JMY: variants seen among roughly 807,000 people sequenced by gnomAD.
JMY encodes junction-mediating and -regulatory protein.
In JMY, 46 loss-of-function variants were observed where a neutral mutation model predicts 103.3. The observed-to-expected ratio is 0.45, with a 90% CI of 0.35 to 0.57. The LOEUF is 0.57. Ranked by LOEUF, JMY falls within the 20% of genes least tolerant of loss-of-function variation. The probability of loss-of-function intolerance (pLI) is 0.00; values close to 1 mark genes in which losing one functional copy is unlikely to be tolerated. For synonymous variants in JMY, 526 were observed against 489.3 expected (o/e 1.07, Z -0.99); for missense variants, 1,238 against 1,255.2 (o/e 0.99, Z 0.21).
intron 1 of JMY, among the ~76,000 whole-genome samples, chr5:79,276,250 C>A (rs938784526): frequency 2.0e-5 from 3 of 151,734 alleles, no homozygotes; most frequent in Non-Finnish European, 4.4e-5. Flanking sequence ...TCCCAAGGAG[C>A]TGGGATTATG....
chr5:79,300,111 C>T (rs1448832926), intron 4 of JMY, 42 bp from the exon 5 acceptor site: 2 of 1,578,686 alleles, frequency 1.3e-6, no homozygotes, highest in East Asian at 4.5e-5. Flanking sequence ...ATTTTCTTGT[C>T]CCCACCAGCT....
chr5:79,315,540 A>G (rs1747192008), intron 9 of JMY, among the ~76,000 whole-genome samples: 1 of 152,218 alleles, frequency 6.6e-6, no homozygotes. Flanking sequence ...TCTATAAAAC[A>G]TTTCTTGATG....
At chr5:79,312,693 G>A (rs1747091895) in intron 8 of JMY, among the ~76,000 whole-genome samples, 195 bp downstream of exon 8, 1 of 152,040 alleles carries the variant, frequency 6.6e-6, no homozygotes, top group Non-Finnish European at 1.5e-5. Flanking sequence ...TCCGAATTTA[G>A]TATTCTTGTG....
chr5:79,293,393 C>CT (rs1204218599), intron 4 of JMY, among the ~76,000 whole-genome samples: 3 of 61,756 alleles, frequency 4.9e-5, no homozygotes, highest in Non-Finnish European at 6.2e-5. Flanking sequence ...AACTTTTTAA[C>CT]TTTTTTTAAC....
intron 1 of JMY, among the ~76,000 whole-genome samples, chr5:79,267,068 A>G (rs1447829243): frequency 6.6e-6 from 1 of 152,218 alleles, no homozygotes; most frequent in Admixed American, 6.5e-5. Context: ...TAGTACAGAG[A>G]TTCCATACTT....
At chr5:79,285,039 A>G (rs1746228179) in intron 2 of JMY, 3 of 626,576 alleles carry the variant, frequency 4.8e-6, no homozygotes, top group African/African-American at 1.8e-5. Flanking sequence ...CAGCTGGACT[A>G]TACTCATCAT....
chr5:79,246,782 T>C (rs939054450), intron 1 of JMY, among the ~76,000 whole-genome samples: 2 of 151,874 alleles, frequency 1.3e-5, no homozygotes, highest in African/African-American at 4.8e-5. Context: ...CTTGGGAGGC[T>C]GAGGCAGGAG....
chr5:79,261,029 T>C (rs887805749), intron 1 of JMY, among the ~76,000 whole-genome samples: 3 of 152,138 alleles, frequency 2.0e-5, no homozygotes, highest in South Asian at 2.1e-4. Flanking sequence ...ATATTACTTA[T>C]AGATTTTGTG....
At chr5:79,283,961 C>A (rs1746194197) in intron 2 of JMY, among the ~76,000 whole-genome samples, 1 of 152,038 alleles carries the variant, frequency 6.6e-6, no homozygotes, top group Non-Finnish European at 1.5e-5. Context: ...TTAAAAAGTG[C>A]AAAAAGCGTG....
intron 1 of JMY, among the ~76,000 whole-genome samples, chr5:79,247,068 A>G (rs1425414816): frequency 6.6e-6 from 1 of 152,184 alleles, no homozygotes; most frequent in Non-Finnish European, 1.5e-5. Context: ...ATTCAAATCC[A>G]AGCCTGCCTT....
intron 1 of JMY, among the ~76,000 whole-genome samples, chr5:79,257,965 G>C (rs1179968301): frequency 6.6e-6 from 1 of 152,042 alleles, no homozygotes; most frequent in East Asian, 1.9e-4. Flanking sequence ...GTTTCACCAT[G>C]TTGGCCAGGC....
intron 1 of JMY, among the ~76,000 whole-genome samples, chr5:79,258,506 G>C (rs1233349699): frequency 6.6e-6 from 1 of 151,974 alleles, no homozygotes; most frequent in Non-Finnish European, 1.5e-5. Context: ...CTACCAGTCT[G>C]GGTCCCATGC....
intron 1 of JMY, among the ~76,000 whole-genome samples, chr5:79,243,873 A>G (rs1034753788): frequency 3.3e-5 from 5 of 152,328 alleles, no homozygotes; most frequent in African/African-American, 1.2e-4. Flanking sequence ...GCTTCTATAA[A>G]ACAAAAACAT....
At chr5:79,318,362 C>G (rs570361012) in intron 10 of JMY, among the ~76,000 whole-genome samples, 1 of 152,080 alleles carries the variant, frequency 6.6e-6, no homozygotes, top group South Asian at 2.1e-4. Context: ...AAGTACACAT[C>G]TAGATTTTGA....
In JMY at chr5:79,290,217, T is replaced by C; in HGVS notation, c.1303T>C (p.Ser435Pro). 1 of 1,576,526 alleles carries C rather than the reference T, an allele frequency of 6.3e-7. No individual in the cohort carries two copies. The highest frequency in any genetic ancestry group is 1.2e-5 in the South Asian group (1 of 84,346). ...WQRKAHMAVL[S>P]IQDLTVKYFE... ...GCGGAAAGCTCACATGGCTGTACTG[T>C]CTATTCAAGATCTTACTGTCAAGTA... is the stretch of plus-strand genomic sequence containing the variant. Residue 435 changes from serine to proline, a missense_variant, in exon 3 of 11, where the codon TCT becomes CCT. Ser to Pro is a moderately conservative substitution (Grantham distance 74). Transcript: ENST00000396137.
At chr5:79,255,648 C>T (rs1745217455) in intron 1 of JMY, among the ~76,000 whole-genome samples, 2 of 152,162 alleles carry the variant, frequency 1.3e-5, no homozygotes, top group Non-Finnish European at 2.9e-5. Flanking sequence ...TAGGGGACAC[C>T]CCAAGCCCAA....
chr5:79,258,410 G>A (rs182536324), intron 1 of JMY, among the ~76,000 whole-genome samples: 2 of 149,270 alleles, frequency 1.3e-5, no homozygotes, highest in East Asian at 4.0e-4. Context: ...AAACTTGTGT[G>A]GCCAGTGGTG....
At chr5:79,293,384 A>G (rs1043389605) in intron 4 of JMY, among the ~76,000 whole-genome samples, 3 of 131,486 alleles carry the variant, frequency 2.3e-5, no homozygotes, top group Non-Finnish European at 4.7e-5. Context: ...ACCCCCTTTA[A>G]CTTTTTAACT....
chr5:79,260,457 T>A (rs1304824999), intron 1 of JMY, among the ~76,000 whole-genome samples: 1 of 152,222 alleles, frequency 6.6e-6, no homozygotes, highest in Non-Finnish European at 1.5e-5. Flanking sequence ...CTTGCCTCAC[T>A]GCAGCCTCAA....
Sources: allele counts gnomAD v4.1 joint callset (sites outside exome capture counted in the v4.1 genomes callset), GRCh38; gene constraint gnomAD v4.1.1; transcripts MANE v1.5; gene names NCBI Gene and HGNC (gene_info 2026-07-23, HGNC 2026-07-21).